The following KLF7 variants were observed in gnomAD, a reference collection of about 807,000 sequenced individuals.
KLF7 encodes the protein Krueppel-like factor 7.
In KLF7, 2 loss-of-function variants were observed where a neutral mutation model predicts 27.3. The observed-to-expected ratio is 0.07, with a 90% CI of 0.03 to 0.23. KLF7 has a LOEUF of 0.23. Among genes scored for constraint, KLF7 ranks in the 10% least tolerant of loss-of-function variants. The probability of loss-of-function intolerance (pLI) is 1.00; values close to 1 mark genes in which losing one functional copy is unlikely to be tolerated. For synonymous variants in KLF7, 165 were observed against 162.4 expected (o/e 1.02, Z -0.12); for missense variants, 221 against 394.1 (o/e 0.56, Z 3.72).
chr2:207,081,933 T>A (rs1170347335), intron 3 of KLF7, among the ~76,000 whole-genome samples: 2 of 150,260 alleles, frequency 1.3e-5, no homozygotes, highest in Non-Finnish European at 3.0e-5. Context: ...ATGCTAAGGG[T>A]TTTCCCAATA....
rs2076851985 is a variant in KLF7 at position 207,105,112 on chromosome 2, C to T, written c.734-16531G>A. Among the ~76,000 whole-genome samples the T allele has an allele frequency of 4.6e-5, 7 of 152,140 alleles. No homozygotes were observed. The South Asian group carries it at 1.4e-3, about 32-fold the overall frequency. On this transcript the variant is annotated intron_variant, in intron 2 of 3. Coordinates refer to ENST00000309446, the MANE Select transcript of KLF7 (RefSeq NM_003709.4). ...CCAGCATTTTCATTTCATTCCGTCACCTTCTCAAAAAAATCGGTGTCACTT... is the reference window on the plus strand; with the variant it reads ...CCAGCATTTTCATTTCATTCCGTCATCTTCTCAAAAAAATCGGTGTCACTT...
chr2:207,149,182 G>A (rs933334107), intron 1 of KLF7: 1 of 1,285,952 alleles, frequency 7.8e-7, no homozygotes. Flanking sequence ...TCTTTTTGGA[G>A]ATGATCTTCA....
chr2:207,095,369 T>TA (rs2105892149), intron 2 of KLF7, among the ~76,000 whole-genome samples: 1 of 152,266 alleles, frequency 6.6e-6, no homozygotes, highest in African/African-American at 2.4e-5. Context: ...TTAAAACAAC[T>TA]AAAAAACAAT....
intron 1 of KLF7, chr2:207,149,187 T>A: frequency 7.8e-7 from 1 of 1,284,758 alleles, no homozygotes; most frequent in Non-Finnish European, 1.0e-6. Context: ...TTGGAGATGA[T>A]CTTCAATAAT....
intron 1 of KLF7, among the ~76,000 whole-genome samples, chr2:207,144,943 G>T (rs948370987): frequency 2.0e-5 from 3 of 152,080 alleles, no homozygotes; most frequent in African/African-American, 7.2e-5. Flanking sequence ...TCCCAGAAAG[G>T]TTTTTTTCCC....
chr2:207,121,539 A>G (rs1164700703), intron 2 of KLF7: 1 of 152,212 alleles, frequency 6.6e-6, no homozygotes, highest in African/African-American at 2.4e-5. Flanking sequence ...AAATCTAGGA[A>G]GCGACAGTGC....
intron 2 of KLF7, among the ~76,000 whole-genome samples, chr2:207,095,493 G>A (rs945976612): frequency 1.2e-4 from 19 of 152,156 alleles, no homozygotes; most frequent in African/African-American, 1.7e-4. Context: ...TTCAGAATAC[G>A]GAGAGAGGTG....
At chr2:207,088,399 C>T in intron 3 of KLF7, 59 bp downstream of exon 3, 1 of 1,573,822 alleles carries the variant, frequency 6.4e-7, no homozygotes, top group Non-Finnish European at 8.7e-7. Context: ...GTGCTGCTCA[C>T]CCTCCAACCC....
chr2:207,169,087 C>T (rs1233004510), upstream of KLF7, among the ~76,000 whole-genome samples: 6 of 152,116 alleles, frequency 3.9e-5, no homozygotes, highest in African/African-American at 1.4e-4. Context: ...TGCTCATTAC[C>T]ATGTGTCCAG....
chr2:207,098,113 T>A (rs1426347147), intron 2 of KLF7, among the ~76,000 whole-genome samples: 6 of 152,228 alleles, frequency 3.9e-5, no homozygotes, highest in African/African-American at 9.6e-5. Flanking sequence ...ATTTATTATT[T>A]TTTTTAAGCA....
rs970397039 is a variant in KLF7, at chr2:207,165,731, T to C, written c.-163A>G. 1.7e-5 allele frequency: 24 copies of C among 1,451,640 alleles called. No homozygotes were observed. The Admixed American group carries it at 3.2e-4, about 19-fold the overall frequency. 89.9% of individuals were successfully genotyped at this position (1,451,640 alleles called of 1,614,324 possible). ...ACTAAAAAGGAAAAAAAAAAATCAA[T>C]GCAGGAGAGGGAGAGAGGAGGTGAG... On this transcript the variant is annotated 5_prime_UTR_variant, in exon 1 of 4. Transcript: ENST00000309446.
chr2:207,166,129 C>T (rs1018572420), upstream of KLF7: 139 of 984,796 alleles, frequency 1.4e-4, no homozygotes, highest in Non-Finnish European at 1.6e-4. Flanking sequence ...TCCCTCCCTC[C>T]GTTCGGTTCT....
chr2:207,096,288 C>T (rs981150748), intron 2 of KLF7, among the ~76,000 whole-genome samples: 28 of 152,206 alleles, frequency 1.8e-4, no homozygotes, highest in African/African-American at 6.3e-4. Context: ...TTGTCGTGTA[C>T]AAGACCCTGA....
intron 2 of KLF7, 107 bp from the exon 3 acceptor site, chr2:207,088,688 T>C: frequency 8.1e-7 from 1 of 1,238,586 alleles, no homozygotes; most frequent in South Asian, 1.8e-5. Flanking sequence ...GCTGTTTAAC[T>C]CATTCCTGAA....
At chr2:207,106,407 A>C (rs942016825) in intron 2 of KLF7, among the ~76,000 whole-genome samples, 1 of 152,238 alleles carries the variant, frequency 6.6e-6, no homozygotes, top group African/African-American at 2.4e-5. Context: ...GAGATGGAGA[A>C]AAGCAAACAA....
In KLF7 at chr2:207,138,572, C is replaced by T. The variant is rs142165842; in HGVS notation, c.103-14168G>A. 2.3e-3 allele frequency among the ~76,000 whole-genome samples: 347 copies of T among 152,306 alleles called. 2 individuals carry two copies. Among genetic ancestry groups the T allele is most frequent in the African/African-American group, 8.1e-3 (337 of 41,572 alleles). On this transcript the variant is annotated intron_variant, in intron 1 of 3. Coordinates refer to ENST00000309446, the MANE Select transcript of KLF7 (RefSeq NM_003709.4). Reference sequence around the variant, plus strand: ...CATTCTTAGTCTAAGGCAGTATCCACATTAAGAATTCTTAAACTACCTTGT... The same window carrying T: ...CATTCTTAGTCTAAGGCAGTATCCATATTAAGAATTCTTAAACTACCTTGT...
intron 1 of KLF7, among the ~76,000 whole-genome samples, chr2:207,150,722 G>A (rs377291377): frequency 1.3e-5 from 2 of 152,128 alleles, no homozygotes; most frequent in African/African-American, 2.4e-5. Flanking sequence ...CCACGACACC[G>A]GTATTTTTCA....
At chr2:207,131,265 G>A (rs1296488181) in intron 1 of KLF7, among the ~76,000 whole-genome samples, 1 of 152,232 alleles carries the variant, frequency 6.6e-6, no homozygotes, top group East Asian at 1.9e-4. Flanking sequence ...GCACAAGCAG[G>A]TAAACTGCAC....
chr2:207,110,085 T>C (rs1283520138), intron 2 of KLF7: 2 of 154,850 alleles, frequency 1.3e-5, no homozygotes, highest in Admixed American at 6.5e-5. Context: ...CAATGTTATT[T>C]TCTATGCACG....
Sources: allele counts gnomAD v4.1 joint callset (sites outside exome capture counted in the v4.1 genomes callset), GRCh38; gene constraint gnomAD v4.1.1; transcripts MANE v1.5; gene names NCBI Gene and HGNC (gene_info 2026-07-23, HGNC 2026-07-21).